BIVM: variants seen among roughly 807,000 people sequenced by gnomAD.
BIVM encodes the protein basic, immunoglobulin-like variable motif containing.
Under a neutral mutation model 61.4 loss-of-function variants are expected in BIVM, and 31 were observed. The ratio of observed to expected loss-of-function variants is 0.51; its 90% CI spans 0.38 to 0.68. The LOEUF is 0.68. Ranked by LOEUF, BIVM falls within the 30% of genes least tolerant of loss-of-function variation. The pLI, the probability that BIVM is intolerant of heterozygous loss-of-function variation, is 0.00. For missense variants in BIVM, 526 were observed against 596.0 expected (o/e 0.88, Z 1.22); for synonymous variants, 189 against 210.7 (o/e 0.90, Z 0.89).
At chr13:102,819,023 GA>G (rs1046714232) in intron 4 of BIVM, among the ~76,000 whole-genome samples, 19 of 149,426 alleles carry the variant, frequency 1.3e-4, no homozygotes, top group South Asian at 4.2e-4. Flanking sequence ...ATTCACAGCA[GA>G]AAAAAAAAAT....
intron 7 of BIVM, among the ~76,000 whole-genome samples, chr13:102,825,775 A>C (rs916055614): frequency 3.3e-5 from 5 of 152,206 alleles, no homozygotes; most frequent in Admixed American, 2.6e-4. Flanking sequence ...TCAGCGTAAC[A>C]AATGGATATG....
intron 8 of BIVM, among the ~76,000 whole-genome samples, chr13:102,833,029 C>T (rs947283146): frequency 1.3e-5 from 2 of 151,936 alleles, no homozygotes; most frequent in East Asian, 3.9e-4. Context: ...GAGGCTGAGG[C>T]AGGCAGATTG....
At position 102,807,138 on chromosome 13, in the gene BIVM, C is replaced by A. The variant is rs924013814; in HGVS notation, c.-122-8C>A. 52 of 943,540 alleles carry A rather than the reference C, an allele frequency of 5.5e-5. No homozygotes were observed. The highest frequency in any genetic ancestry group is 7.8e-5 in the Non-Finnish European group (51 of 653,388). 58.4% of individuals were successfully genotyped at this position (943,540 alleles called of 1,614,324 possible). ...GGATTGTTGATCATTCTTTTTCCTT[C>A]CTCTTAGGAGCTCATTTTGCAGCTC... On this transcript the variant is annotated splice_polypyrimidine_tract_variant and splice_region_variant and intron_variant, in intron 2 of 10. Coordinates refer to ENST00000257336, the MANE Select transcript of BIVM (RefSeq NM_017693.4). This position sits in a 1 kb window ranked among gnomAD's most constrained non-coding sequence, Gnocchi z 4.0.
At chr13:102,810,730 T>A (rs1332110127) in intron 3 of BIVM, among the ~76,000 whole-genome samples, 1 of 152,210 alleles carries the variant, frequency 6.6e-6, no homozygotes, top group Non-Finnish European at 1.5e-5. Context: ...ATAGCTTTTT[T>A]ATTTTTATTT....
chr13:102,837,888 G>C (rs1490420570), intron 9 of BIVM, among the ~76,000 whole-genome samples: 1 of 152,070 alleles, frequency 6.6e-6, no homozygotes, highest in Non-Finnish European at 1.5e-5. Context: ...ATGGACTTTG[G>C]GGACTCCTGA....
chr13:102,822,181 T>G (rs756398306), intron 7 of BIVM, 22 bp downstream of exon 7: 2 of 1,605,742 alleles, frequency 1.2e-6, no homozygotes, highest in Admixed American at 3.3e-5. Context: ...TATAGAAGAT[T>G]TACATACACA....
At chr13:102,826,307 C>T (rs1234529375) in intron 7 of BIVM, among the ~76,000 whole-genome samples, 2 of 152,224 alleles carry the variant, frequency 1.3e-5, no homozygotes, top group African/African-American at 4.8e-5. Flanking sequence ...TGCTTTCCAT[C>T]AGAACCCAGT....
intron 7 of BIVM, among the ~76,000 whole-genome samples, chr13:102,823,164 G>T (rs1379493510): frequency 1.3e-5 from 2 of 152,190 alleles, no homozygotes; most frequent in Non-Finnish European, 2.9e-5. Flanking sequence ...GAAGTCTAAG[G>T]TCCAGGCCTG....
chr13:102,809,785 TTC>T (rs1879353579), intron 3 of BIVM, among the ~76,000 whole-genome samples: 3 of 75,780 alleles, frequency 4.0e-5, no homozygotes, highest in South Asian at 5.5e-4. Context: ...TTTCTTTTCT[TTC>T]TTTTTTTTTT....
At chr13:102,803,537 G>C (rs962327517) in intron 1 of BIVM, among the ~76,000 whole-genome samples, 3 of 152,012 alleles carry the variant, frequency 2.0e-5, no homozygotes, top group Non-Finnish European at 2.9e-5. Flanking sequence ...CTGTCACACA[G>C]AGAGCTGGTC....
At chr13:102,821,156 C>T (rs1880246985) in intron 5 of BIVM, 24 bp downstream of exon 5, 1 of 1,575,232 alleles carries the variant, frequency 6.3e-7, no homozygotes, top group East Asian at 2.2e-5. Flanking sequence ...TTTATCAGTA[C>T]CCCCAAACTC....
intron 1 of BIVM, among the ~76,000 whole-genome samples, chr13:102,800,923 T>TA (rs1278949619): frequency 2.0e-5 from 3 of 152,222 alleles, no homozygotes; most frequent in African/African-American, 7.2e-5. Flanking sequence ...GGTATTTTGT[T>TA]ATACGAAAAG....
rs905891570 is a variant in BIVM at position 102,841,374 on chromosome 13, C to T, written c.*1509C>T. ...TGTTCACTCGTACATGCCTAGCCTA[C>T]AGAAGGGGATATATATTATGAAATG... On this transcript the variant is annotated 3_prime_UTR_variant, in exon 11 of 11. Transcript: ENST00000257336. 7.2e-5 allele frequency: 11 copies of T among 152,542 alleles called. No homozygotes were observed. Among genetic ancestry groups the T allele is most frequent in the African/African-American group, 2.4e-4 (10 of 41,488 alleles). 9.4% of individuals were successfully genotyped at this position (152,542 alleles called of 1,614,324 possible). A position where few individuals can be genotyped will look rare whatever the true frequency, so the allele number is the denominator to read the frequency against.
chr13:102,800,088 G>T (rs965295942), intron 1 of BIVM, among the ~76,000 whole-genome samples: 1 of 152,224 alleles, frequency 6.6e-6, no homozygotes, highest in East Asian at 1.9e-4. Context: ...CAGAAGAGCC[G>T]GTGGCTCCGA....
In BIVM at chr13:102,818,274, T is replaced by C. The variant is rs553750381; in HGVS notation, c.605+1720T>C. Among the ~76,000 whole-genome samples, 5 of 152,306 alleles carry C rather than the reference T, an allele frequency of 3.3e-5. No homozygotes were observed. The South Asian group carries it at 6.2e-4, about 19-fold the overall frequency. On this transcript the variant is annotated intron_variant, in intron 4 of 10. Transcript: ENST00000257336. ...TGGCTAATAAGTAGAAGATCTTGTA[T>C]TGAAGCTGAAGAGTCAGACTCAACA...
chr13:102,807,041 A>T lies in BIVM; in HGVS notation c.-122-105A>T. On this transcript the variant is annotated intron_variant, in intron 2 of 10. Transcript: ENST00000257336. This position sits in a 1 kb window ranked among gnomAD's most constrained non-coding sequence, Gnocchi z 4.0. ...ACTCCAGTCATATAGTAGTTGTAAA[A>T]TTAATATAGAATGAAGGCATATGTA... is the stretch of plus-strand genomic sequence containing the variant. 1 of 423,300 alleles carries T rather than the reference A, an allele frequency of 2.4e-6. No homozygotes were observed. The highest frequency in any genetic ancestry group is 3.8e-5 in the Admixed American group (1 of 26,072). The allele number at this position is 423,300 out of a possible 1,614,324, so 26.2% of individuals were successfully genotyped here.
At chr13:102,825,837 C>A (rs1406720700) in intron 7 of BIVM, among the ~76,000 whole-genome samples, 1 of 152,154 alleles carries the variant, frequency 6.6e-6, no homozygotes, top group Non-Finnish European at 1.5e-5. Flanking sequence ...GCTTGCCAGG[C>A]AGGATTCAAT....
At chr13:102,815,432 G>C (rs1339809292) in intron 3 of BIVM, among the ~76,000 whole-genome samples, 1 of 151,974 alleles carries the variant, frequency 6.6e-6, no homozygotes, top group Non-Finnish European at 1.5e-5. Context: ...AATGAGGCTT[G>C]GATGTTATTT....
intron 3 of BIVM, among the ~76,000 whole-genome samples, chr13:102,811,776 G>A (rs1461084546): frequency 6.6e-6 from 1 of 152,206 alleles, no homozygotes. Context: ...GCCTGCCTCA[G>A]CCTCCCAAAG....
Sources: gnomAD v4.1 joint callset for allele counts (sites outside exome capture counted in the v4.1 genomes callset) on GRCh38, gnomAD v4.1.1 for gene constraint, Gnocchi (gnomAD v3.1) non-coding constraint, MANE v1.5 for transcripts, NCBI Gene and HGNC (gene_info 2026-07-23, HGNC 2026-07-21) for gene names.